The following MAPKAPK2 variants were observed in gnomAD, a reference collection of about 807,000 sequenced individuals.
MAPKAPK2 encodes the protein MAPK activated protein kinase 2.
Under a neutral mutation model 48.8 loss-of-function variants are expected in MAPKAPK2, and 9 were observed. The ratio of observed to expected loss-of-function variants is 0.18; its 90% CI spans 0.11 to 0.32. The LOEUF is 0.32. Ranked by LOEUF, MAPKAPK2 falls within the 10% of genes least tolerant of loss-of-function variation. The probability of loss-of-function intolerance (pLI) is 1.00; values close to 1 mark genes in which losing one functional copy is unlikely to be tolerated. For synonymous variants in MAPKAPK2, 202 were observed against 190.6 expected, an observed-to-expected ratio of 1.06 and a Z score of -0.49; for missense variants, 331 against 498.3, an observed-to-expected ratio of 0.66 and a Z score of 3.20.
At chr1:206,690,638 C>G (rs1553426126) in intron 1 of MAPKAPK2, among the ~76,000 whole-genome samples, 1 of 152,200 alleles carries the variant, frequency 6.6e-6, no homozygotes, top group African/African-American at 2.4e-5. Flanking sequence ...AAGAGCCCAG[C>G]CTCAGAACTG....
chr1:206,716,461 C>T (rs1673338847), intron 1 of MAPKAPK2, among the ~76,000 whole-genome samples: 1 of 152,126 alleles, frequency 6.6e-6, no homozygotes, highest in Non-Finnish European at 1.5e-5. Context: ...CAGTCTTAGG[C>T]GTGTGGAATT....
chr1:206,716,406 T>C (rs1195087090), intron 1 of MAPKAPK2, among the ~76,000 whole-genome samples: 1 of 152,162 alleles, frequency 6.6e-6, no homozygotes, highest in Non-Finnish European at 1.5e-5. Flanking sequence ...ATAACAATCA[T>C]CTATCTTCCG....
chr1:206,688,315 G>A lies in MAPKAPK2; in HGVS notation c.279+2807G>A, dbSNP rs114757454. 7.7e-3 allele frequency among the ~76,000 whole-genome samples: 1,175 copies of A among 152,330 alleles called. 4 individuals carry two copies. Among genetic ancestry groups the A allele is most frequent in the Non-Finnish European group, 0.012 (840 of 68,028 alleles). ...TGGCAGAGGCAGGATTGGAACCCAGGTTGCCTGACTCCCAGTCTCAGGCTT... is the reference window on the plus strand; with the variant it reads ...TGGCAGAGGCAGGATTGGAACCCAGATTGCCTGACTCCCAGTCTCAGGCTT... On this transcript the variant is annotated intron_variant, in intron 1 of 9. Coordinates refer to ENST00000367103, the MANE Select transcript of MAPKAPK2 (RefSeq NM_032960.4).
chr1:206,713,530 A>C (rs191468685), intron 1 of MAPKAPK2, among the ~76,000 whole-genome samples: 14 of 152,312 alleles, frequency 9.2e-5, no homozygotes, highest in African/African-American at 3.4e-4. Flanking sequence ...CCCAAGATGT[A>C]CTGGGATGGA....
chr1:206,721,922 G>C (rs11582798), intron 1 of MAPKAPK2, among the ~76,000 whole-genome samples: 1 of 152,044 alleles, frequency 6.6e-6, no homozygotes, highest in Middle Eastern at 3.2e-3. Context: ...AAAATTAGCC[G>C]GGCATGGTGG....
At chr1:206,695,772 C>CTCTTT (rs56709406) in intron 1 of MAPKAPK2, 14 of 52,468 alleles carry the variant, frequency 2.7e-4, no homozygotes, top group Admixed American at 3.4e-4. Context: ...CTCTCTCTCT[C>CTCTTT]TTTTTTTTTT....
chr1:206,685,294 A>AG lies in MAPKAPK2; in HGVS notation c.66dup (p.Pro23AlafsTer40). ...TTCCCCGCCCCGGCCCCGCCGCCGCAGCCCCCCACCCCTGCCCTGCCGCAC... is the reference window on the plus strand; with the variant it reads ...TTCCCCGCCCCGGCCCCGCCGCCGCAGGCCCCCCACCCCTGCCCTGCCGCAC... On this transcript the variant is annotated frameshift_variant, in exon 1 of 10. Coordinates refer to ENST00000367103, the MANE Select transcript of MAPKAPK2 (RefSeq NM_032960.4). LOFTEE classifies it high-confidence loss of function. 5.1e-6 allele frequency: 1 copy of AG among 197,866 alleles called. No individual in the cohort carries two copies. Among genetic ancestry groups the AG allele is most frequent in the South Asian group, 6.1e-5 (1 of 16,374 alleles). 12.3% of individuals were successfully genotyped at this position (197,866 alleles called of 1,614,324 possible).
At chr1:206,698,907 C>G (rs1672710220) in intron 1 of MAPKAPK2, among the ~76,000 whole-genome samples, 1 of 152,206 alleles carries the variant, frequency 6.6e-6, no homozygotes, top group African/African-American at 2.4e-5. Context: ...ATAAGTGTGT[C>G]TAACTCTAAA....
At chr1:206,722,430 T>C (rs553452167) in intron 1 of MAPKAPK2, among the ~76,000 whole-genome samples, 2 of 152,310 alleles carry the variant, frequency 1.3e-5, no homozygotes, top group African/African-American at 4.8e-5. Context: ...GAACTACTAT[T>C]AAATAATAGC....
At chr1:206,693,045 C>A (rs1672505718) in intron 1 of MAPKAPK2, among the ~76,000 whole-genome samples, 1 of 152,224 alleles carries the variant, frequency 6.6e-6, no homozygotes, top group Admixed American at 6.5e-5. Flanking sequence ...CCCCTGCCGA[C>A]TCCTCCACTT....
intron 1 of MAPKAPK2, among the ~76,000 whole-genome samples, chr1:206,686,187 G>C (rs1284965752): frequency 2.6e-5 from 4 of 152,204 alleles, no homozygotes; most frequent in Non-Finnish European, 5.9e-5. Flanking sequence ...CGGCTCCGGG[G>C]AGAGGCCGGC....
At chr1:206,709,192 C>A (rs1359462667) in intron 1 of MAPKAPK2, among the ~76,000 whole-genome samples, 1 of 152,154 alleles carries the variant, frequency 6.6e-6, no homozygotes, top group Non-Finnish European at 1.5e-5. Context: ...GTACTGTGCA[C>A]CCAATTATTT....
intron 1 of MAPKAPK2, among the ~76,000 whole-genome samples, chr1:206,692,072 T>G (rs1553426385): frequency 6.6e-6 from 1 of 152,258 alleles, no homozygotes; most frequent in Non-Finnish European, 1.5e-5. Context: ...TTGAGATTCC[T>G]TTCTCAAGTT....
intron 1 of MAPKAPK2, among the ~76,000 whole-genome samples, chr1:206,716,887 G>A (rs576486523): frequency 6.6e-6 from 1 of 151,882 alleles, no homozygotes; most frequent in South Asian, 2.1e-4. Context: ...GAACATTTAG[G>A]GTGTTTCCTT....
chr1:206,729,537 A>C (rs1673830114), intron 4 of MAPKAPK2, 62 bp downstream of exon 4: 1 of 1,421,006 alleles, frequency 7.0e-7, no homozygotes, highest in African/African-American at 1.4e-5. Flanking sequence ...GGCTGTGGCC[A>C]CCCCAGAGAT....
Position 206,729,405 on chromosome 1 carries a change from A to C in MAPKAPK2, c.494A>C (p.Glu165Ala). The change falls in exon 4 of 10, where the codon GAA becomes GCA. Residue 165 changes from glutamate to alanine, a missense_variant. By Grantham distance (107) the Glu-to-Ala change is moderately radical. Transcript: ENST00000367103. ...DQAFTEREAS[E>A]IMKSIGEAIQ... ...TCCCTCCCCTCTACAGAAGCATCCG[A>C]AATCATGAAGAGCATCGGTGAGGCC... The C allele has an allele frequency of 6.2e-7, 1 of 1,613,910 alleles. No homozygotes were observed. Among genetic ancestry groups the C allele is most frequent in the Non-Finnish European group, 8.5e-7 (1 of 1,179,780 alleles).
At chr1:206,702,887 C>A (rs1407313782) in intron 1 of MAPKAPK2, among the ~76,000 whole-genome samples, 2 of 152,206 alleles carry the variant, frequency 1.3e-5, no homozygotes, top group African/African-American at 4.8e-5. Context: ...TCCTTCAAGG[C>A]TCATAATAGA....
rs114469608 is a variant in MAPKAPK2 at position 206,728,505 on chromosome 1, C to G, written c.280-205C>G. Among the ~76,000 whole-genome samples the G allele has an allele frequency of 9.8e-3, 1,490 of 151,842 alleles. 20 individuals carry two copies. The highest frequency in any genetic ancestry group is 0.035 in the African/African-American group (1,444 of 41,342). On this transcript the variant is annotated intron_variant, in intron 1 of 9. Transcript: ENST00000367103. ...CTGATCTCAGTGTAGCTGTCAAGGC[C>G]CCAAGAGAGTCATCATGAGATTTCA...
intron 1 of MAPKAPK2, among the ~76,000 whole-genome samples, chr1:206,690,914 C>G (rs1672436713): frequency 6.6e-6 from 1 of 152,228 alleles, no homozygotes; most frequent in Non-Finnish European, 1.5e-5. Context: ...TGCCAAGTGT[C>G]ATGTGAGGTC....
Sources: gnomAD v4.1 joint callset for allele counts (sites outside exome capture counted in the v4.1 genomes callset) on GRCh38, gnomAD v4.1.1 for gene constraint, MANE v1.5 for transcripts, NCBI Gene and HGNC (gene_info 2026-07-23, HGNC 2026-07-21) for gene names.